Variants in TDRD3 observed in about 807,000 individuals in gnomAD.
TDRD3 encodes tudor domain containing 3.
A neutral mutation model predicts 86.7 loss-of-function variants in TDRD3; 45 were observed. That is an observed-to-expected ratio of 0.52 (90% CI 0.41 to 0.67). The LOEUF (loss-of-function observed/expected upper bound fraction) is 0.67. Among genes scored for constraint, TDRD3 ranks in the 30% least tolerant of loss-of-function variants. TDRD3 has a pLI of 0.00. For synonymous variants in TDRD3, 298 were observed against 301.7 expected (o/e 0.99, Z 0.13); for missense variants, 814 against 889.0 (o/e 0.92, Z 1.07).
intron 3 of TDRD3, 82 bp from the exon 4 acceptor site, chr13:60,460,296 AAG>A (rs984942497): frequency 2.5e-6 from 3 of 1,219,248 alleles, no homozygotes; most frequent in Non-Finnish European, 3.3e-6. Flanking sequence ...TATTAAGGAA[AAG>A]AGAAACACTA....
chr13:60,473,407 T>C (rs1956112538), intron 5 of TDRD3, among the ~76,000 whole-genome samples: 1 of 152,220 alleles, frequency 6.6e-6, no homozygotes, highest in Admixed American at 6.5e-5. Context: ...TTTAAATGAA[T>C]TGCATTTTTT....
chr13:60,467,988 C>A (rs1955986065), intron 5 of TDRD3, among the ~76,000 whole-genome samples: 1 of 152,064 alleles, frequency 6.6e-6, no homozygotes, highest in African/African-American at 2.4e-5. Context: ...TAGTGTAGGT[C>A]TTTAGTATCT....
At chr13:60,433,282 T>G (rs147763200) in intron 1 of TDRD3, among the ~76,000 whole-genome samples, 74 of 152,340 alleles carry the variant, frequency 4.9e-4, no homozygotes, top group African/African-American at 9.1e-4. Context: ...TTCTGGCCAA[T>G]TAAAACATTC....
chr13:60,572,130 C>T (rs925769564), intron 13 of TDRD3, among the ~76,000 whole-genome samples: 1 of 152,096 alleles, frequency 6.6e-6, no homozygotes, highest in African/African-American at 2.4e-5. Context: ...AGGAGCAGCC[C>T]TTAGACATGA....
rs553771056 is a variant in TDRD3 at position 60,438,178 on chromosome 13, A to T, written c.42-1510A>T. ...GCGGGGCATAATATTTATGAAAGTG[A>T]ATTTATAAGATTATTAATTAGAGTT... is the stretch of plus-strand genomic sequence containing the variant. On this transcript the variant is annotated intron_variant, in intron 1 of 13. Transcript: ENST00000377881. 3.3e-5 allele frequency among the ~76,000 whole-genome samples: 5 copies of T among 152,270 alleles called. No homozygotes were observed. The South Asian group carries it at 1.0e-3, about 32-fold the overall frequency.
chr13:60,562,814 A>T (rs1958366468), intron 12 of TDRD3, among the ~76,000 whole-genome samples: 1 of 150,030 alleles, frequency 6.7e-6, no homozygotes, highest in African/African-American at 2.4e-5. Context: ...CTAAGTTTTT[A>T]TTTTTTTTTT....
intron 6 of TDRD3, chr13:60,484,557 A>C: frequency 2.7e-6 from 1 of 364,724 alleles, no homozygotes; most frequent in Non-Finnish European, 5.3e-6. Context: ...AAATTTTGGT[A>C]TTTAGTAAAA....
intron 1 of TDRD3, among the ~76,000 whole-genome samples, chr13:60,419,982 G>A (rs1386220681): frequency 6.6e-6 from 1 of 151,078 alleles, no homozygotes; most frequent in Non-Finnish European, 1.5e-5. Flanking sequence ...GAGATGAAAA[G>A]GTATTTTCAT....
chr13:60,563,547 C>T (rs1458733862), intron 12 of TDRD3, among the ~76,000 whole-genome samples: 2 of 152,182 alleles, frequency 1.3e-5, no homozygotes, highest in South Asian at 2.1e-4. Flanking sequence ...GTTGTGTGGG[C>T]TGTCCTGTGC....
intron 12 of TDRD3, among the ~76,000 whole-genome samples, chr13:60,547,677 A>G (rs1957966347): frequency 6.6e-6 from 1 of 152,198 alleles, no homozygotes; most frequent in Admixed American, 6.5e-5. Context: ...TTTTTAAAGC[A>G]AGCCAGAATG....
chr13:60,444,670 A>AT lies in TDRD3; in HGVS notation c.127-8dup. On this transcript the variant is annotated splice_polypyrimidine_tract_variant and intron_variant, in intron 2 of 13. Coordinates refer to ENST00000377881, the MANE Select transcript of TDRD3 (RefSeq NM_001146070.2). ...TCTATAATTCCATTTTAATAATAAT[A>AT]TTTTTATTTTAGACAGATCTGAGAA... The AT allele has an allele frequency of 3.0e-6, 4 of 1,315,840 alleles. No individual in the cohort carries two copies. The highest frequency in any genetic ancestry group is 3.1e-6 in the Non-Finnish European group (3 of 975,952). The allele number at this position is 1,315,840 out of a possible 1,614,324, so 81.5% of individuals were successfully genotyped here.
At chr13:60,549,007 T>G (rs886569085) in intron 12 of TDRD3, among the ~76,000 whole-genome samples, 3 of 152,090 alleles carry the variant, frequency 2.0e-5, no homozygotes, top group Admixed American at 2.0e-4. Flanking sequence ...AATGGTAAAT[T>G]GTCATTCATC....
intron 10 of TDRD3, among the ~76,000 whole-genome samples, chr13:60,513,957 G>T (rs1262905070): frequency 1.3e-5 from 2 of 152,188 alleles, no homozygotes; most frequent in Non-Finnish European, 2.9e-5. Context: ...CGAAAATGTG[G>T]AAGTGACTTG....
chr13:60,458,120 A>G (rs1955720678), intron 3 of TDRD3, among the ~76,000 whole-genome samples: 3 of 152,122 alleles, frequency 2.0e-5, no homozygotes, highest in African/African-American at 7.2e-5. Context: ...TTGCTTGGAA[A>G]TCGGCATTTG....
At chr13:60,405,135 C>T (rs531460541) in intron 1 of TDRD3, among the ~76,000 whole-genome samples, 1 of 152,198 alleles carries the variant, frequency 6.6e-6, no homozygotes, top group East Asian at 1.9e-4. Context: ...TTATCAGCAG[C>T]ATGAAAAAGG....
chr13:60,447,899 T>C (rs1473765422), intron 3 of TDRD3, among the ~76,000 whole-genome samples: 1 of 152,160 alleles, frequency 6.6e-6, no homozygotes, highest in Non-Finnish European at 1.5e-5. Flanking sequence ...CCATTAACGT[T>C]GTGTGGTGCC....
At chr13:60,432,145 TACTC>T (rs1239660081) in intron 1 of TDRD3, among the ~76,000 whole-genome samples, 2 of 152,196 alleles carry the variant, frequency 1.3e-5, no homozygotes, top group African/African-American at 4.8e-5. Flanking sequence ...TTTTTCATAG[TACTC>T]ACTCCTCTGA....
chr13:60,431,041 C>T (rs551773122), intron 1 of TDRD3, among the ~76,000 whole-genome samples: 5 of 151,936 alleles, frequency 3.3e-5, no homozygotes, highest in South Asian at 4.2e-4. Context: ...GTAGAAGAGA[C>T]GGGAAGAGAA....
At chr13:60,470,251 T>C (rs1311978984) in intron 5 of TDRD3, among the ~76,000 whole-genome samples, 8 of 152,306 alleles carry the variant, frequency 5.3e-5, no homozygotes, top group Middle Eastern at 3.4e-3. Flanking sequence ...TCTATATCTA[T>C]ACCATCTTTT....
Sources: allele counts gnomAD v4.1 joint callset (sites outside exome capture counted in the v4.1 genomes callset), GRCh38; gene constraint gnomAD v4.1.1; transcripts MANE v1.5; gene names NCBI Gene and HGNC (gene_info 2026-07-23, HGNC 2026-07-21).